SIL1: variants seen among roughly 807,000 people sequenced by gnomAD.
SIL1 encodes SIL1 nucleotide exchange factor.
A neutral mutation model predicts 49.1 loss-of-function variants in SIL1; 40 were observed. That is an observed-to-expected ratio of 0.81 (90% confidence interval 0.63 to 1.06). The LOEUF (loss-of-function observed/expected upper bound fraction) is 1.06, where lower values mean the gene tolerates loss of function less well. Among genes scored for constraint, SIL1 ranks in the 50% least tolerant of loss-of-function variants. The pLI is 0.00. For missense variants in SIL1, 500 were observed against 572.6 expected, an observed-to-expected ratio of 0.87 and a Z score of 1.29; for synonymous variants, 253 against 250.8, an observed-to-expected ratio of 1.01 and a Z score of -0.08.
At chr5:139,058,970 A>ATGTGTGTGTGTG (rs61070788) in intron 3 of SIL1, among the ~76,000 whole-genome samples, 2,567 of 150,274 alleles carry the variant, frequency 0.017, 76 homozygotes, top group African/African-American at 0.056. Flanking sequence ...AGAAATGTGT[A>ATGTGTGTGTGTG]TGTGTGTGTG....
At chr5:138,984,126 G>T (rs10074461) in intron 7 of SIL1, among the ~76,000 whole-genome samples, 55,522 of 151,990 alleles carry the variant, frequency 0.37, 10,215 homozygotes, top group Middle Eastern at 0.43. Flanking sequence ...TAACCAGCAG[G>T]CTCAAGTGTC....
At chr5:139,196,660 C>A (rs1276434938) in intron 1 of SIL1, 1 of 152,150 alleles carries the variant, frequency 6.6e-6, no homozygotes, top group Non-Finnish European at 1.5e-5. Context: ...TCTTCTATTG[C>A]CAATTTCATT....
intron 1 of SIL1, among the ~76,000 whole-genome samples, chr5:139,150,532 G>A (rs552356460): frequency 2.4e-4 from 36 of 152,130 alleles, no homozygotes; most frequent in Admixed American, 8.5e-4. Flanking sequence ...AGGAGCAACC[G>A]TCGCAAGCTG....
chr5:139,138,364 G>T (rs1241837903), intron 1 of SIL1, among the ~76,000 whole-genome samples: 1 of 152,206 alleles, frequency 6.6e-6, no homozygotes, highest in Non-Finnish European at 1.5e-5. Context: ...TCAGGTCCTA[G>T]TCTGTACTTT....
chr5:139,102,008 G>A (rs912203165), intron 3 of SIL1, among the ~76,000 whole-genome samples: 9 of 152,172 alleles, frequency 5.9e-5, no homozygotes, highest in South Asian at 4.1e-4. Flanking sequence ...AATGCTGGGT[G>A]AAAAGAATCA....
At chr5:139,111,818 G>A (rs181448083) in intron 3 of SIL1, among the ~76,000 whole-genome samples, 2 of 152,074 alleles carry the variant, frequency 1.3e-5, no homozygotes, top group East Asian at 3.9e-4. Context: ...TTACACTTAA[G>A]TTTCACACCT....
chr5:139,187,484 T>G (rs1235963702), intron 1 of SIL1, among the ~76,000 whole-genome samples: 2 of 147,316 alleles, frequency 1.4e-5, no homozygotes, highest in Non-Finnish European at 3.0e-5. Flanking sequence ...GCCACTCCAC[T>G]CCAGCCTGGG....
intron 3 of SIL1, among the ~76,000 whole-genome samples, chr5:139,107,610 G>A (rs1435626955): frequency 2.6e-5 from 4 of 152,116 alleles, no homozygotes; most frequent in South Asian, 4.1e-4. Context: ...GTATTTGGTC[G>A]TCAGGTCTCC....
chr5:139,126,333 C>G (rs534730128), intron 2 of SIL1, among the ~76,000 whole-genome samples: 2 of 152,290 alleles, frequency 1.3e-5, no homozygotes, highest in South Asian at 4.1e-4. Context: ...GCTCTGAAAG[C>G]TCATCTATTT....
intron 9 of SIL1, among the ~76,000 whole-genome samples, chr5:138,950,002 T>C (rs1766728869): frequency 6.6e-6 from 1 of 152,088 alleles, no homozygotes; most frequent in Admixed American, 6.5e-5. Flanking sequence ...TCCCCAATCA[T>C]GTCAGCACCC....
intron 1 of SIL1, among the ~76,000 whole-genome samples, chr5:139,129,270 G>A (rs1156467387): frequency 2.6e-5 from 4 of 152,212 alleles, no homozygotes; most frequent in Admixed American, 1.3e-4. Flanking sequence ...GAATAAAATT[G>A]AGAGTCCAGA....
chr5:139,152,625 AAAAAAAAAAGAAAAG>A (rs1751327679), intron 1 of SIL1, among the ~76,000 whole-genome samples: 1 of 150,182 alleles, frequency 6.7e-6, no homozygotes, highest in Non-Finnish European at 1.5e-5. Flanking sequence ...CATCTTGGGA[AAAAAAAAAAGAAAAG>A]AAAAAAAAAA....
chr5:139,051,197 A>AAC (rs1158499792), intron 3 of SIL1, 151 bp from the exon 4 acceptor site: 3 of 707,310 alleles, frequency 4.2e-6, no homozygotes, highest in African/African-American at 3.5e-5. Flanking sequence ...CTCTCCCTTG[A>AAC]ACACACACAC....
chr5:138,986,465 C>A (rs957831372), intron 7 of SIL1, among the ~76,000 whole-genome samples: 3 of 152,186 alleles, frequency 2.0e-5, no homozygotes, highest in Non-Finnish European at 4.4e-5. Flanking sequence ...TCCAATTATC[C>A]TGCATCAATG....
At chr5:139,106,330 G>A (rs1770711865) in intron 3 of SIL1, among the ~76,000 whole-genome samples, 2 of 152,224 alleles carry the variant, frequency 1.3e-5, no homozygotes, top group South Asian at 4.1e-4. Context: ...GTGACTAAAA[G>A]AGAAATGGCA....
intron 3 of SIL1, among the ~76,000 whole-genome samples, chr5:139,070,469 G>A (rs538610956): frequency 6.4e-4 from 98 of 152,250 alleles, no homozygotes; most frequent in Non-Finnish European, 1.3e-3. Context: ...CAACACAGCA[G>A]TAATGAGCGA....
intron 5 of SIL1, chr5:139,035,350 T>G: frequency 1.9e-6 from 1 of 533,588 alleles, no homozygotes; most frequent in South Asian, 1.4e-5. Flanking sequence ...CCACTGTGTT[T>G]GATGTTTTTC....
At chr5:139,031,822 T>A (rs1162289214) in intron 5 of SIL1, among the ~76,000 whole-genome samples, 1 of 152,232 alleles carries the variant, frequency 6.6e-6, no homozygotes, top group Non-Finnish European at 1.5e-5. Context: ...AGCATATAGA[T>A]CTTATATCTG....
intron 3 of SIL1, among the ~76,000 whole-genome samples, chr5:139,112,805 C>T (rs1440843904): frequency 2.6e-5 from 4 of 152,198 alleles, no homozygotes; most frequent in Non-Finnish European, 5.9e-5. Flanking sequence ...GTGCACCCAA[C>T]AGCTCATTGA....
Sources: gnomAD v4.1 joint callset for allele counts (sites outside exome capture counted in the v4.1 genomes callset) on GRCh38, gnomAD v4.1.1 for gene constraint, MANE v1.5 for transcripts, NCBI Gene and HGNC (gene_info 2026-07-23, HGNC 2026-07-21) for gene names.